TTC23L: variants seen among roughly 807,000 people sequenced by gnomAD.
TTC23L encodes tetratricopeptide repeat protein 23-like.
Under a neutral mutation model 48.1 loss-of-function variants are expected in TTC23L, and 42 were observed. That is an observed-to-expected ratio of 0.87 (90% CI 0.68 to 1.13). The LOEUF is 1.13. Among genes scored for constraint, TTC23L ranks in the 50% most tolerant of loss-of-function variants. The pLI, the probability that TTC23L is intolerant of heterozygous loss-of-function variation, is 0.00. For synonymous variants in TTC23L, 159 were observed against 157.2 expected, an observed-to-expected ratio of 1.01 and a Z score of -0.09; for missense variants, 391 against 421.0, an observed-to-expected ratio of 0.93 and a Z score of 0.62.
At position 34,896,750 on chromosome 5, in the gene TTC23L, A is replaced by C; in HGVS notation, c.1078-20A>C. On this transcript the variant is annotated intron_variant, in intron 9 of 10. Transcript: ENST00000505624. ...GAAAACACTTCATAGAGAGGGTGAC[A>C]TTTGAGCCATTTCTTAAAGGACAAG... The C allele has an allele frequency of 1.3e-6, 1 of 769,362 alleles. No individual in the cohort carries two copies. Among genetic ancestry groups the C allele is most frequent in the Middle Eastern group, 2.3e-4 (1 of 4,432 alleles). 47.7% of individuals were successfully genotyped at this position (769,362 alleles called of 1,614,324 possible). A position where few individuals can be genotyped will look rare whatever the true frequency, so the allele number is the denominator to read the frequency against.
the TTC23L span, chr5:34,907,167 C>T: frequency 6.6e-6 from 1 of 152,178 alleles, no homozygotes; most frequent in Non-Finnish European, 1.5e-5. Flanking sequence ...TAATACTCTC[C>T]AAACCAATTT....
At chr5:34,849,361 C>A (rs1037973599) in intron 3 of TTC23L, among the ~76,000 whole-genome samples, 1 of 152,026 alleles carries the variant, frequency 6.6e-6, no homozygotes, top group Non-Finnish European at 1.5e-5. Context: ...ACTTCTAAAC[C>A]CAACTACTAA....
chr5:34,916,224 C>T, the TTC23L span: 2 of 202,252 alleles, frequency 9.9e-6, no homozygotes, highest in East Asian at 2.4e-4. Flanking sequence ...AGTGCTTTTC[C>T]TTGGTTATTT....
chr5:34,844,444 C>CAAAAAAA (rs10675653), intron 2 of TTC23L, among the ~76,000 whole-genome samples: 2 of 122,772 alleles, frequency 1.6e-5, no homozygotes, highest in African/African-American at 6.2e-5. Context: ...GCAGCAGCAG[C>CAAAAAAA]AAAAAAAAAA....
chr5:34,908,930 C>T, the TTC23L span: 1 of 1,607,642 alleles, frequency 6.2e-7, no homozygotes, highest in African/African-American at 1.3e-5. Flanking sequence ...TAGAGGGTTT[C>T]AGTAAGGAAA....
At chr5:34,915,829 A>G in the TTC23L span, 3 of 1,573,306 alleles carry the variant, frequency 1.9e-6, no homozygotes, top group African/African-American at 2.7e-5. Context: ...GCCGCCAGCT[A>G]AGCGGCACGC....
chr5:34,882,195 G>GACAAACCACCAGTACCACC (rs1182984011), intron 9 of TTC23L, among the ~76,000 whole-genome samples: 3 of 152,148 alleles, frequency 2.0e-5, no homozygotes, highest in African/African-American at 7.2e-5. Flanking sequence ...CCTTGGTTGT[G>GACAAACCACCAGTACCACC]ACAAACCACC....
downstream of TTC23L, among the ~76,000 whole-genome samples, chr5:34,904,313 C>T (rs201391381): frequency 6.7e-6 from 1 of 149,474 alleles, no homozygotes; most frequent in East Asian, 2.1e-4. Flanking sequence ...TTTATGTAAA[C>T]GGCTGGGTGT....
chr5:34,923,413 G>T, the TTC23L span: 1 of 592,662 alleles, frequency 1.7e-6, no homozygotes, highest in Non-Finnish European at 3.0e-6. Context: ...GAGTAGCTGG[G>T]ATTACAAGCA....
the TTC23L span, chr5:34,911,933 T>G: frequency 3.5e-6 from 4 of 1,127,506 alleles, no homozygotes; most frequent in African/African-American, 1.6e-5. Context: ...CACATATATG[T>G]ATCTCCTCAT....
chr5:34,916,615 TTTCA>T, the TTC23L span: 3 of 152,258 alleles, frequency 2.0e-5, no homozygotes, highest in African/African-American at 7.2e-5. Flanking sequence ...TAGAATTAGC[TTTCA>T]TTCAACTAAG....
Position 34,893,788 on chromosome 5 carries a change from G to A in TTC23L, c.1078-2982G>A, listed in dbSNP as rs1763025545. On this transcript the variant is annotated intron_variant, in intron 9 of 10. Transcript: ENST00000505624. ...CTCTGAAAAAGTCCTTGAGAATTAG[G>A]AGAGTCAGGAAAAAATAGGAAATCA... is the stretch of plus-strand genomic sequence containing the variant. 4.4e-5 allele frequency among the ~76,000 whole-genome samples: 5 copies of A among 114,568 alleles called. No individual in the cohort carries two copies. The South Asian group carries it at 1.8e-3, about 41-fold the overall frequency. The allele number at this position is 114,568 out of a possible 152,430, so 75.2% of individuals were successfully genotyped here.
chr5:34,859,829 CTT>C (rs1467652974), intron 4 of TTC23L, among the ~76,000 whole-genome samples: 20 of 136,560 alleles, frequency 1.5e-4, no homozygotes, highest in African/African-American at 4.9e-4. Context: ...CTTTTCTTTT[CTT>C]TTCTTCTTCT....
intron 9 of TTC23L, among the ~76,000 whole-genome samples, chr5:34,892,427 G>A (rs1333374291): frequency 6.6e-6 from 1 of 152,140 alleles, no homozygotes; most frequent in Non-Finnish European, 1.5e-5. Context: ...AAACTTTCAG[G>A]TTGGTTAGTC....
chr5:34,842,743 G>A (rs753038291), intron 2 of TTC23L, among the ~76,000 whole-genome samples: 1 of 152,190 alleles, frequency 6.6e-6, no homozygotes, highest in Non-Finnish European at 1.5e-5. Context: ...GCACTCGTGA[G>A]TTTGCTCACA....
chr5:34,840,634 C>G, intron 1 of TTC23L, 31 bp from the exon 2 acceptor site: 1 of 1,602,936 alleles, frequency 6.2e-7, no homozygotes, highest in Non-Finnish European at 8.5e-7. Flanking sequence ...AGCCTTTTCT[C>G]TCAAAGCTGA....
chr5:34,905,053 C>T, the TTC23L span, among the ~76,000 whole-genome samples: 330 of 152,234 alleles, frequency 2.2e-3, no homozygotes, highest in Non-Finnish European at 3.5e-3. Context: ...GATACAGATA[C>T]GAAAAGCACT....
chr5:34,871,792 A>T (rs1213562817), intron 8 of TTC23L, among the ~76,000 whole-genome samples: 1 of 152,196 alleles, frequency 6.6e-6, no homozygotes, highest in African/African-American at 2.4e-5. Flanking sequence ...ATAGACCTGT[A>T]TAATTATGGC....
the TTC23L span, among the ~76,000 whole-genome samples, chr5:34,919,632 A>G: frequency 1.3e-5 from 2 of 152,214 alleles, no homozygotes; most frequent in African/African-American, 4.8e-5. Flanking sequence ...CTTACAGACT[A>G]TATTTTACTT....
Sources: allele counts gnomAD v4.1 joint callset (sites outside exome capture counted in the v4.1 genomes callset), GRCh38; gene constraint gnomAD v4.1.1; transcripts MANE v1.5; gene names NCBI Gene and HGNC (gene_info 2026-07-23, HGNC 2026-07-21).